RPS6KA5: variants seen among roughly 807,000 people sequenced by gnomAD.
The protein encoded by RPS6KA5 is ribosomal protein S6 kinase alpha-5.
Under a neutral mutation model 85.5 loss-of-function variants are expected in RPS6KA5, and 27 were observed. That is an observed-to-expected ratio of 0.32 (90% CI 0.23 to 0.44). The LOEUF (loss-of-function observed/expected upper bound fraction) is 0.44, where lower values mean the gene tolerates loss of function less well. RPS6KA5 is among the 20% of genes least tolerant of loss of function. The pLI is 1.00. For missense variants in RPS6KA5, 811 were observed against 980.9 expected, an observed-to-expected ratio of 0.83 and a Z score of 2.31; for synonymous variants, 334 against 348.2, an observed-to-expected ratio of 0.96 and a Z score of 0.46.
chr14:90,891,529 G>A (rs3783834), intron 13 of RPS6KA5, among the ~76,000 whole-genome samples: 47,756 of 151,654 alleles, frequency 0.31, 7,775 homozygotes, highest in East Asian at 0.47. Context: ...TGATTATATC[G>A]TCTTTAGGCA....
At chr14:90,935,110 G>T (rs558611111) in intron 5 of RPS6KA5, among the ~76,000 whole-genome samples, 2 of 152,190 alleles carry the variant, frequency 1.3e-5, no homozygotes, top group Non-Finnish European at 2.9e-5. Context: ...AATTAGGAAG[G>T]GAGACAGAGG....
At chr14:90,887,945 CAAAAAAAAAAA>C (rs34947711) in intron 14 of RPS6KA5, among the ~76,000 whole-genome samples, 1 of 42,768 alleles carries the variant, frequency 2.3e-5, no homozygotes, top group African/African-American at 1.2e-4. Context: ...GAGGCTATCG[CAAAAAAAAAAA>C]AAAAAAAAAA....
Position 90,853,475 on chromosome 14 carries a change from A to G in RPS6KA5, c.*18599T>C, listed in dbSNP as rs771036484. On this transcript the variant is annotated 3_prime_UTR_variant, in exon 17 of 17. Transcript: ENST00000614987. ...AATAAATAAGATGCATCCCTTAAGT[A>G]ACAACAATAAAAAAAAAACCCAAAA... 1 of 149,490 alleles carries G rather than the reference A, an allele frequency of 6.7e-6. No individual in the cohort carries two copies. Among genetic ancestry groups the G allele is most frequent in the Non-Finnish European group, 1.5e-5 (1 of 67,972 alleles). The allele number at this position is 149,490 out of a possible 1,614,324, so 9.3% of individuals were successfully genotyped here. A position where few individuals can be genotyped will look rare whatever the true frequency, so the allele number is the denominator to read the frequency against.
intron 7 of RPS6KA5, among the ~76,000 whole-genome samples, chr14:90,910,183 C>T (rs1456271126): frequency 6.6e-6 from 1 of 152,088 alleles, no homozygotes; most frequent in Admixed American, 6.5e-5. Context: ...CAAGACCTTG[C>T]CTTATATTAC....
chr14:90,894,719 A>G (rs751015765), intron 12 of RPS6KA5, 136 bp from the exon 13 acceptor site: 8 of 1,075,738 alleles, frequency 7.4e-6, no homozygotes, highest in Non-Finnish European at 1.0e-5. Flanking sequence ...CAATCCTCAT[A>G]TCTTAGAGAA....
intron 3 of RPS6KA5, among the ~76,000 whole-genome samples, chr14:90,974,979 T>C (rs536120336): frequency 6.6e-6 from 1 of 152,190 alleles, no homozygotes; most frequent in Non-Finnish European, 1.5e-5. Flanking sequence ...ACAAATCATA[T>C]ACGGGACAAA....
Position 90,859,512 on chromosome 14 carries a change from A to T in RPS6KA5, c.*12562T>A, listed in dbSNP as rs935756141. 2 of 152,246 alleles carry T rather than the reference A, an allele frequency of 1.3e-5. No homozygotes were observed. Among genetic ancestry groups the T allele is most frequent in the African/African-American group, 4.8e-5 (2 of 41,456 alleles). 9.4% of individuals were successfully genotyped at this position (152,246 alleles called of 1,614,324 possible). On this transcript the variant is annotated 3_prime_UTR_variant, in exon 17 of 17. Coordinates refer to ENST00000614987, the MANE Select transcript of RPS6KA5 (RefSeq NM_004755.4). ...TGATCAGAGACTTGGCACCTACAAAAAAGTGTCATGGATATTTTAGAATCC... is the reference window on the plus strand; with the variant it reads ...TGATCAGAGACTTGGCACCTACAAATAAGTGTCATGGATATTTTAGAATCC...
rs187659353 is a variant in RPS6KA5, at chr14:90,866,748, G to T, written c.*5326C>A. The stretch of plus-strand genomic sequence containing the variant: ...AAAAATTCCTCTATGTGTATATGTG[G>T]TTTCTTCTTCTTTTCAAAAATTCAT... On this transcript the variant is annotated 3_prime_UTR_variant, in exon 17 of 17. Transcript: ENST00000614987. 1 of 152,206 alleles carries T rather than the reference G, an allele frequency of 6.6e-6. No individual in the cohort carries two copies. Among genetic ancestry groups the T allele is most frequent in the East Asian group, 1.9e-4 (1 of 5,192 alleles). The allele number at this position is 152,206 out of a possible 1,614,324, so 9.4% of individuals were successfully genotyped here. A position where few individuals can be genotyped will look rare whatever the true frequency, so the allele number is the denominator to read the frequency against.
rs2032702180 is a variant in RPS6KA5 at position 90,864,221 on chromosome 14, C to A, written c.*7853G>T. 2 of 152,802 alleles carry A rather than the reference C, an allele frequency of 1.3e-5. No individual in the cohort carries two copies. Among genetic ancestry groups the A allele is most frequent in the Admixed American group, 1.3e-4 (2 of 15,300 alleles). The allele number at this position is 152,802 out of a possible 1,614,324, so 9.5% of individuals were successfully genotyped here. A position where few individuals can be genotyped will look rare whatever the true frequency, so the allele number is the denominator to read the frequency against. ...GTGGCATGACCTTGGCTCACTGCAA[C>A]CTCTGCCTCCTGGGTTCAAGCGATT... On this transcript the variant is annotated 3_prime_UTR_variant, in exon 17 of 17. Transcript: ENST00000614987.
intron 7 of RPS6KA5, 143 bp from the exon 8 acceptor site, chr14:90,906,442 T>C: frequency 1.8e-6 from 1 of 561,394 alleles, no homozygotes. Context: ...TCAATACTGT[T>C]GAAAAAATAT....
At chr14:90,943,527 C>G (rs898348065) in intron 4 of RPS6KA5, among the ~76,000 whole-genome samples, 2 of 152,146 alleles carry the variant, frequency 1.3e-5, no homozygotes, top group African/African-American at 4.8e-5. Flanking sequence ...ATAGCCAATT[C>G]TTGTCCATCA....
chr14:90,902,999 A>G, intron 8 of RPS6KA5, 30 bp from the exon 9 acceptor site: 1 of 1,580,662 alleles, frequency 6.3e-7, no homozygotes, highest in Non-Finnish European at 8.7e-7. Flanking sequence ...TACAAAGTAG[A>G]AATCAATAGT....
chr14:90,914,645 T>C (rs902082607), intron 7 of RPS6KA5, among the ~76,000 whole-genome samples: 3 of 152,042 alleles, frequency 2.0e-5, no homozygotes, highest in Admixed American at 2.0e-4. Context: ...GGACTCCAAA[T>C]GCTCCACCCC....
At chr14:91,056,659 T>C (rs2043329221) in intron 1 of RPS6KA5, among the ~76,000 whole-genome samples, 3 of 152,098 alleles carry the variant, frequency 2.0e-5, no homozygotes, top group African/African-American at 4.8e-5. Flanking sequence ...TGTCCTATCA[T>C]CCAAGCATCT....
rs142061817 is a variant in RPS6KA5 at position 90,978,381 on chromosome 14, G to A, written c.319C>T (p.His107Tyr). The A allele has an allele frequency of 6.2e-7, 1 of 1,613,830 alleles. No homozygotes were observed. The highest frequency in any genetic ancestry group is 1.3e-5 in the African/African-American group (1 of 75,040). ...HTRTERQVLE[H>Y]IRQSPFLVTL... is the part of the protein sequence containing the mutation. The stretch of plus-strand genomic sequence containing the variant: ...ACCAAAAATGGCGACTGCCTAATGT[G>A]TTCCAGGACTTGTCGTTCTGTCCTT... The change falls in exon 3 of 17, where the codon CAC becomes TAC. Residue 107 changes from histidine (H) to tyrosine (Y), a missense_variant. His to Tyr is a moderately conservative substitution (Grantham distance 83, BLOSUM62 2). Around this residue, in one of 3 missense-constraint regions of RPS6KA5, gnomAD observed 48 missense variants for 87.6 expected, o/e 0.55. Transcript: ENST00000614987.
chr14:91,041,166 CAGA>C (rs142585179), intron 1 of RPS6KA5, among the ~76,000 whole-genome samples: 3,071 of 152,224 alleles, frequency 0.02, 42 homozygotes, highest in Middle Eastern at 0.051. Context: ...TCTGAGGAAG[CAGA>C]AGATTTCAAA....
At chr14:90,977,761 T>C (rs1390247792) in intron 3 of RPS6KA5, among the ~76,000 whole-genome samples, 1 of 152,042 alleles carries the variant, frequency 6.6e-6, no homozygotes, top group Non-Finnish European at 1.5e-5. Context: ...TTCTTAACAT[T>C]AATAAAGGAA....
rs564684775 is a variant in RPS6KA5, at chr14:90,978,073, A to C, written c.394+233T>G. On this transcript the variant is annotated intron_variant, in intron 3 of 16. Coordinates refer to ENST00000614987, the MANE Select transcript of RPS6KA5 (RefSeq NM_004755.4). ...CTGCCTCAAAAAAAGAAAAGAAAAA[A>C]AGACTAAGAAAAGAGTGTGGAATAG... Among the ~76,000 whole-genome samples the C allele has an allele frequency of 5.8e-4, 88 of 152,256 alleles. 1 individual carries two copies. Among genetic ancestry groups the C allele is most frequent in the Middle Eastern group, 3.4e-3 (1 of 294 alleles).
At chr14:90,959,003 C>T (rs2140412882) in intron 3 of RPS6KA5, among the ~76,000 whole-genome samples, 1 of 151,850 alleles carries the variant, frequency 6.6e-6, no homozygotes, top group East Asian at 1.9e-4. Context: ...AAAGACTGTT[C>T]CAAGCAGAAG....
Sources: gnomAD v4.1 joint callset for allele counts (sites outside exome capture counted in the v4.1 genomes callset) on GRCh38, gnomAD v4.1.1 for gene constraint, gnomAD v4.1.1 regional missense constraint, MANE v1.5 for transcripts, NCBI Gene and HGNC (gene_info 2026-07-23, HGNC 2026-07-21) for gene names.